The following SUCLG2 variants were observed in gnomAD, a reference collection of about 807,000 sequenced individuals.
The protein encoded by SUCLG2 is succinate--CoA ligase [GDP-forming] subunit beta, mitochondrial.
A neutral mutation model predicts 47.9 loss-of-function variants in SUCLG2; 42 were observed. The ratio of observed to expected loss-of-function variants is 0.88; its 90% confidence interval spans 0.69 to 1.14. SUCLG2 has a LOEUF of 1.14. Among genes scored for constraint, SUCLG2 ranks in the 50% most tolerant of loss-of-function variants. SUCLG2 has a pLI of 0.00. For missense variants in SUCLG2, 571 were observed against 525.9 expected (o/e 1.09, Z -0.84); for synonymous variants, 195 against 197.3 (o/e 0.99, Z 0.10).
intron 1 of SUCLG2, among the ~76,000 whole-genome samples, chr3:67,610,508 G>GA (rs796945028): frequency 0.025 from 3,122 of 124,052 alleles, 36 homozygotes; most frequent in African/African-American, 0.046. Flanking sequence ...TTAAAAGAAG[G>GA]AAAAAAAAAA....
chr3:67,383,195 A>G (rs186354621), intron 10 of SUCLG2, among the ~76,000 whole-genome samples: 425 of 152,350 alleles, frequency 2.8e-3, no homozygotes, highest in African/African-American at 9.6e-3. Context: ...GGGTTTAGAT[A>G]ATAATAAGGA....
chr3:67,508,514 C>T (rs1178898384), intron 7 of SUCLG2, among the ~76,000 whole-genome samples: 2 of 152,118 alleles, frequency 1.3e-5, no homozygotes, highest in Admixed American at 6.5e-5. Context: ...AAGTGATCCT[C>T]CCGCCTTGTC....
chr3:67,367,606 G>A (rs1701893566), intron 10 of SUCLG2, among the ~76,000 whole-genome samples: 1 of 152,120 alleles, frequency 6.6e-6, no homozygotes, highest in African/African-American at 2.4e-5. Flanking sequence ...TCTTTGCTGT[G>A]GAGGGCAGAC....
At chr3:67,509,095 C>G (rs551389914) in intron 6 of SUCLG2, among the ~76,000 whole-genome samples, 192 bp from the exon 7 acceptor site, 3 of 152,176 alleles carry the variant, frequency 2.0e-5, no homozygotes, top group African/African-American at 7.2e-5. Context: ...CAGCTCTCCT[C>G]TAGACACCAG....
chr3:67,621,086 A>C (rs1267116717), intron 1 of SUCLG2, among the ~76,000 whole-genome samples: 2 of 152,162 alleles, frequency 1.3e-5, no homozygotes, highest in Non-Finnish European at 2.9e-5. Context: ...GGCCAGGTGG[A>C]CTCTGTTGCA....
rs114373057 is a variant in SUCLG2, at chr3:67,423,068, G to A, written c.1063-22217C>T. 7.3e-3 allele frequency among the ~76,000 whole-genome samples: 1,114 copies of A among 152,280 alleles called. 14 individuals are homozygous for A. Among genetic ancestry groups the A allele is most frequent in the African/African-American group, 0.026 (1,067 of 41,564 alleles). On this transcript the variant is annotated intron_variant, in intron 9 of 10. Coordinates refer to ENST00000307227, the MANE Select transcript of SUCLG2 (RefSeq NM_003848.4). ...GTTAATAGGTGCAGTGATGTGGTTT[G>A]GCTCTGTGTCCCCACCCAAATCTCA... is the stretch of plus-strand genomic sequence containing the variant.
At chr3:67,408,138 A>C (rs12497038) in intron 9 of SUCLG2, among the ~76,000 whole-genome samples, 41,512 of 152,114 alleles carry the variant, frequency 0.27, 5,923 homozygotes, top group East Asian at 0.31. Flanking sequence ...TGCTGAAATT[A>C]TGGCAAGCTG....
At chr3:67,602,904 G>A (rs1365394617) in intron 2 of SUCLG2, among the ~76,000 whole-genome samples, 1 of 152,096 alleles carries the variant, frequency 6.6e-6, no homozygotes, top group Non-Finnish European at 1.5e-5. Context: ...GAAATTGGGA[G>A]GCTCACATAA....
intron 9 of SUCLG2, among the ~76,000 whole-genome samples, chr3:67,402,954 A>C (rs1160612862): frequency 6.6e-6 from 1 of 152,150 alleles, no homozygotes; most frequent in African/African-American, 2.4e-5. Context: ...AAAAGGAGAG[A>C]AGGGGCTTGA....
At chr3:67,443,360 C>G (rs1377011817) in intron 9 of SUCLG2, among the ~76,000 whole-genome samples, 1 of 60,044 alleles carries the variant, frequency 1.7e-5, no homozygotes, top group African/African-American at 6.2e-5. Flanking sequence ...GAGCGCCCCT[C>G]GGGAGGCAGC....
At chr3:67,634,164 A>T (rs149171874) in intron 1 of SUCLG2, among the ~76,000 whole-genome samples, 21 of 152,314 alleles carry the variant, frequency 1.4e-4, no homozygotes, top group Non-Finnish European at 3.1e-4. Context: ...CTTCATAGCC[A>T]GTATATTGCA....
intron 2 of SUCLG2, 88 bp downstream of exon 2, chr3:67,609,367 C>A: frequency 6.7e-7 from 1 of 1,487,692 alleles, no homozygotes; most frequent in South Asian, 1.3e-5. Flanking sequence ...GTTTAATCCA[C>A]AACAAAAAAA....
At position 67,375,075 on chromosome 3, in the gene SUCLG2, T is replaced by C; in HGVS notation, c.*669A>G. Reference sequence around the variant, plus strand: ...CACAAATAAGGCTTCTGGTTTTCTTTTTAGTGTGAGGTAAACAGTATATTC... The same window carrying C: ...CACAAATAAGGCTTCTGGTTTTCTTCTTAGTGTGAGGTAAACAGTATATTC... On this transcript the variant is annotated 3_prime_UTR_variant, in exon 11 of 11. Transcript: ENST00000307227. The C allele has an allele frequency of 1.0e-6, 1 of 985,782 alleles. No homozygotes were observed. Among genetic ancestry groups the C allele is most frequent in the Non-Finnish European group, 1.2e-6 (1 of 829,874 alleles). 61.1% of individuals were successfully genotyped at this position (985,782 alleles called of 1,614,324 possible).
chr3:67,558,688 G>A (rs531157375), intron 2 of SUCLG2, among the ~76,000 whole-genome samples: 1 of 152,262 alleles, frequency 6.6e-6, no homozygotes, highest in South Asian at 2.1e-4. Context: ...AAACACTGGG[G>A]CAATCTGCCC....
At chr3:67,551,465 G>A (rs563544962) in intron 2 of SUCLG2, among the ~76,000 whole-genome samples, 6 of 152,306 alleles carry the variant, frequency 3.9e-5, no homozygotes, top group African/African-American at 1.4e-4. Flanking sequence ...TTTTCTGGCA[G>A]AGAACACAAC....
At chr3:67,606,913 A>C (rs1027279912) in intron 2 of SUCLG2, among the ~76,000 whole-genome samples, 2 of 152,248 alleles carry the variant, frequency 1.3e-5, no homozygotes, top group African/African-American at 4.8e-5. Flanking sequence ...TTCAACTGAC[A>C]TAACATAGAA....
intron 1 of SUCLG2, among the ~76,000 whole-genome samples, chr3:67,638,436 T>A (rs6791337): frequency 2.0e-5 from 3 of 151,974 alleles, no homozygotes; most frequent in African/African-American, 7.3e-5. Flanking sequence ...TAGTTGACAG[T>A]GTGAAGCTGT....
At chr3:67,654,398 G>A (rs1469664069) in intron 1 of SUCLG2, 105 bp downstream of exon 1, 2 of 967,354 alleles carry the variant, frequency 2.1e-6, no homozygotes, top group African/African-American at 1.7e-5. Context: ...GCGCCCGAGG[G>A]GCCGCGCAGG....
chr3:67,515,244 T>C (rs189382784), intron 6 of SUCLG2, among the ~76,000 whole-genome samples: 1 of 152,340 alleles, frequency 6.6e-6, no homozygotes, highest in Non-Finnish European at 1.5e-5. Context: ...ATCCTAAGTA[T>C]AAATATCTAG....
Sources: gnomAD v4.1 joint callset for allele counts (sites outside exome capture counted in the v4.1 genomes callset) on GRCh38, gnomAD v4.1.1 for gene constraint, MANE v1.5 for transcripts, NCBI Gene and HGNC (gene_info 2026-07-23, HGNC 2026-07-21) for gene names.